CRYAB: variants seen among roughly 807,000 people sequenced by gnomAD.
The protein encoded by CRYAB is crystallin alpha B.
A neutral mutation model predicts 12.7 loss-of-function variants in CRYAB; 9 were observed. The ratio of observed to expected loss-of-function variants is 0.71; its 90% CI spans 0.43 to 1.24. CRYAB has a LOEUF of 1.24. CRYAB is among the 50% of genes most tolerant of loss of function. The probability of loss-of-function intolerance (pLI) is 0.00; values close to 1 mark genes in which losing one functional copy is unlikely to be tolerated. For missense variants in CRYAB, 183 were observed against 226.6 expected (o/e 0.81, Z 1.24); for synonymous variants, 93 against 86.8 (o/e 1.07, Z -0.40).
chr11:111,919,342 G>A (rs952390052), intron 1 of CRYAB: 27 of 257,930 alleles, frequency 1.0e-4, no homozygotes, highest in South Asian at 2.1e-4. Context: ...GCATGGTGGC[G>A]CGCACCTGTA....
chr11:111,917,417 G>A (rs1965613471), upstream of CRYAB, among the ~76,000 whole-genome samples: 1 of 152,140 alleles, frequency 6.6e-6, no homozygotes, highest in African/African-American at 2.4e-5. Context: ...CAATGATTGG[G>A]GCACAAGAAA....
upstream of CRYAB, chr11:111,913,811 A>G: frequency 6.2e-7 from 1 of 1,614,176 alleles, no homozygotes; most frequent in Non-Finnish European, 8.5e-7. Context: ...ATTTGGACAC[A>G]GAGGTCAATG....
chr11:111,913,045 C>A (rs1469975852), upstream of CRYAB: 2 of 720,544 alleles, frequency 2.8e-6, no homozygotes, highest in Non-Finnish European at 4.9e-6. Context: ...GACCAGCCAC[C>A]CCCCACCCCA....
At chr11:111,912,531 C>T (rs1218346373), upstream of CRYAB, 6 of 487,554 alleles carry the variant, frequency 1.2e-5, no homozygotes, top group African/African-American at 2.0e-5. Context: ...CACCAGCTCC[C>T]CCTCCCCAGC....
upstream of CRYAB, chr11:111,913,181 A>C (rs1965525409): frequency 3.4e-6 from 2 of 589,534 alleles, no homozygotes; most frequent in East Asian, 2.9e-5. Flanking sequence ...TCCCCCTTCT[A>C]TCCACCCAGG....
At chr11:111,914,051 G>C (rs1965557779), upstream of CRYAB, 1 of 719,358 alleles carries the variant, frequency 1.4e-6, no homozygotes, top group African/African-American at 1.8e-5. Flanking sequence ...TCATAGCCTT[G>C]GTTTAGTTTT....
chr11:111,917,480 A>T (rs1965614577), upstream of CRYAB, among the ~76,000 whole-genome samples: 2 of 152,032 alleles, frequency 1.3e-5, no homozygotes, highest in South Asian at 4.1e-4. Flanking sequence ...TCAGGCCAGA[A>T]GTTCAAGTCC....
At position 111,908,953 on chromosome 11, in the gene CRYAB, G is replaced by A. The variant is rs1555165257; in HGVS notation, c.339C>T (p.Phe113=). ...KHEERQDEHG[F]ISREFHRKYR... ...ATTTCCTGTGGAACTCCCTGGAGAT[G>A]AAACCATGTTCATCCTAACCCAAAA... Residue 113 remains phenylalanine, a synonymous_variant, in exon 3 of 3, where the codon TTC becomes TTT. Coordinates refer to ENST00000650687, the MANE Select transcript of CRYAB (RefSeq NM_001289808.2). The A allele has an allele frequency of 6.2e-7, 1 of 1,614,112 alleles. No homozygotes were observed. The highest frequency in any genetic ancestry group is 8.5e-7 in the Non-Finnish European group (1 of 1,180,010).
chr11:111,913,498 C>T (rs1555165853), upstream of CRYAB: 22 of 1,613,698 alleles, frequency 1.4e-5, no homozygotes, highest in South Asian at 2.2e-4. Context: ...TATGTCCGGC[C>T]TCGGGCCGCC....
chr11:111,918,957 T>A (rs782251029), intron 1 of CRYAB: 2 of 1,614,122 alleles, frequency 1.2e-6, no homozygotes, highest in East Asian at 4.5e-5. Context: ...CTGGGCTCCC[T>A]TGGAGACAGA....
At chr11:111,913,193 C>A (rs901721845), upstream of CRYAB, 1 of 604,144 alleles carries the variant, frequency 1.7e-6, no homozygotes, top group African/African-American at 1.9e-5. Context: ...CCACCCAGGC[C>A]GTTTGGTGCC....
upstream of CRYAB, chr11:111,912,604 G>C (rs1965499807): frequency 1.7e-6 from 1 of 580,720 alleles, no homozygotes; most frequent in Non-Finnish European, 3.1e-6. Flanking sequence ...AAGAGTGTGC[G>C]GGGGAGGGGA....
At chr11:111,914,000 G>T (rs1178973647), upstream of CRYAB, 3 of 993,488 alleles carry the variant, frequency 3.0e-6, no homozygotes, top group South Asian at 3.3e-5. Flanking sequence ...GAAGGGAAAG[G>T]TGCATGGTCC....
upstream of CRYAB, chr11:111,912,945 C>CG: frequency 6.5e-7 from 1 of 1,526,796 alleles, no homozygotes; most frequent in Non-Finnish European, 8.8e-7. Flanking sequence ...ACACCACCCC[C>CG]TTGCCCCCCA....
chr11:111,921,652 C>G lies in CRYAB; in HGVS notation c.-199+2051G>C, dbSNP rs1442988972. 2.6e-5 allele frequency among the ~76,000 whole-genome samples: 4 copies of G among 152,146 alleles called. No individual in the cohort carries two copies. In the East Asian group the frequency reaches 7.7e-4, roughly 29 times the overall value. Reference sequence around the variant, plus strand: ...AGGAGATGTAACAGCTTCTTTTATTCTCTTTCTTCCCAAGTGTTGGTATTC... The same window carrying G: ...AGGAGATGTAACAGCTTCTTTTATTGTCTTTCTTCCCAAGTGTTGGTATTC... On this transcript the variant is annotated intron_variant, in intron 1 of 3. Transcript: ENST00000527950.
rs1555165424 is a variant in CRYAB at position 111,910,447 on chromosome 11, C to T, written c.204G>A (p.Met68Ile). The T allele has an allele frequency of 1.9e-6, 3 of 1,614,126 alleles. No homozygotes were observed. Among genetic ancestry groups the T allele is most frequent in the Non-Finnish European group, 1.7e-6 (2 of 1,180,028 alleles). ...CAGAGAACCTGTCCTTCTCCAGGCGCATCTAGAAATAGCAAGGTAAGGGAA... is the reference window on the plus strand; with the variant it reads ...CAGAGAACCTGTCCTTCTCCAGGCGTATCTAGAAATAGCAAGGTAAGGGAA... ...PSWFDTGLSEMRLEKDRFSVN... is the reference protein window; with the variant it reads ...PSWFDTGLSEIRLEKDRFSVN... Residue 68 changes from methionine to isoleucine, a missense_variant and splice_region_variant, in exon 2 of 3, where the codon ATG (methionine) becomes ATA (isoleucine). Met to Ile is a conservative substitution (Grantham distance 10). Transcript: ENST00000650687.
chr11:111,923,611 AGACACACGG>A (rs1404671178), intron 1 of CRYAB: 1 of 152,256 alleles, frequency 6.6e-6, no homozygotes, highest in Non-Finnish European at 1.5e-5. Flanking sequence ...ACAATCACGT[AGACACACGG>A]GCGCCATTGG....
At chr11:111,913,210 T>C, upstream of CRYAB, 1 of 593,380 alleles carries the variant, frequency 1.7e-6, no homozygotes, top group Non-Finnish European at 3.0e-6. Context: ...TGCCTCCTCC[T>C]CCTCCCCCTC....
At chr11:111,912,615 C>T, upstream of CRYAB, 4 of 590,800 alleles carry the variant, frequency 6.8e-6, no homozygotes, top group East Asian at 5.6e-5. Flanking sequence ...GGGGAGGGGA[C>T]TAGGGGTCCG....
Sources: gnomAD v4.1 joint callset for allele counts (sites outside exome capture counted in the v4.1 genomes callset) on GRCh38, gnomAD v4.1.1 for gene constraint, MANE v1.5 for transcripts, NCBI Gene and HGNC (gene_info 2026-07-23, HGNC 2026-07-21) for gene names.